The following IL1RAPL2 variants were observed in gnomAD, a reference collection of about 807,000 sequenced individuals.
IL1RAPL2 encodes X-linked interleukin-1 receptor accessory protein-like 2.
A neutral mutation model predicts 44.1 loss-of-function variants in IL1RAPL2; 3 were observed. That is an observed-to-expected ratio of 0.07 (90% CI 0.03 to 0.18). The LOEUF is 0.18. Ranked by LOEUF, IL1RAPL2 falls within the 10% of genes least tolerant of loss-of-function variation. The pLI is 1.00. For synonymous variants in IL1RAPL2, 181 were observed against 178.8 expected (o/e 1.01, Z -0.10); for missense variants, 391 against 496.4 (o/e 0.79, Z 2.02).
intron 6 of IL1RAPL2, among the ~76,000 whole-genome samples, chrX:105,568,404 G>T (rs1429000544): frequency 9.0e-6 from 1 of 111,694 alleles, no homozygotes; most frequent in Non-Finnish European, 1.9e-5. Flanking sequence ...ATTTCAAAAA[G>T]AAAAGAAAAT....
At chrX:104,812,467 A>T (rs1443714753) in intron 2 of IL1RAPL2, among the ~76,000 whole-genome samples, 2 of 111,282 alleles carry the variant, frequency 1.8e-5, no homozygotes, top group Non-Finnish European at 3.8e-5. Context: ...CCACAATGAG[A>T]GTATTACCAG....
chrX:105,111,703 G>T (rs1476464669), intron 2 of IL1RAPL2, among the ~76,000 whole-genome samples: 1 of 111,655 alleles, frequency 9.0e-6, no homozygotes, highest in African/African-American at 3.3e-5. Context: ...ATTTTAATGA[G>T]TACCCTGGCG....
At chrX:104,676,294 G>T (rs999285557) in intron 2 of IL1RAPL2, among the ~76,000 whole-genome samples, 6 of 111,373 alleles carry the variant, frequency 5.4e-5, no homozygotes, top group African/African-American at 2.0e-4. Flanking sequence ...GGGCAGGGCT[G>T]GTGGTGACAA....
chrX:105,166,843 C>G (rs2033375214), intron 2 of IL1RAPL2, among the ~76,000 whole-genome samples: 1 of 111,645 alleles, frequency 9.0e-6, no homozygotes, highest in Non-Finnish European at 1.9e-5. Flanking sequence ...ACATTTGAGG[C>G]TGTACAGTTA....
intron 6 of IL1RAPL2, among the ~76,000 whole-genome samples, chrX:105,525,826 AAAG>A (rs2036591590): frequency 9.0e-6 from 1 of 111,699 alleles, no homozygotes; most frequent in Admixed American, 9.6e-5. Flanking sequence ...GCAAGAGGGA[AAAG>A]AATATAAGGA....
chrX:105,143,484 T>C (rs1425970727), intron 2 of IL1RAPL2, among the ~76,000 whole-genome samples: 1 of 111,893 alleles, frequency 8.9e-6, no homozygotes, highest in Non-Finnish European at 1.9e-5. Flanking sequence ...GGAACACTTT[T>C]ACACTGTTGG....
intron 5 of IL1RAPL2, among the ~76,000 whole-genome samples, chrX:105,408,189 T>C (rs1209265700): frequency 8.9e-6 from 1 of 112,272 alleles, no homozygotes; most frequent in Non-Finnish European, 1.9e-5. Context: ...ATTTGGCTGG[T>C]CCAAGATGTA....
chrX:104,659,507 C>T (rs1485377051), intron 2 of IL1RAPL2, among the ~76,000 whole-genome samples: 3 of 111,900 alleles, frequency 2.7e-5, no homozygotes, highest in African/African-American at 9.7e-5. Context: ...AAAATCTATT[C>T]CTAGAACATG....
intron 5 of IL1RAPL2, among the ~76,000 whole-genome samples, chrX:105,470,828 C>T (rs2036160997): frequency 9.0e-6 from 1 of 111,609 alleles, no homozygotes; most frequent in South Asian, 3.7e-4. Context: ...ATTGCAGAAT[C>T]GAATTTTTGA....
chrX:105,615,707 G>A (rs951392801), intron 6 of IL1RAPL2, among the ~76,000 whole-genome samples: 1 of 111,972 alleles, frequency 8.9e-6, no homozygotes, highest in Non-Finnish European at 1.9e-5. Flanking sequence ...GGGTTGGAGG[G>A]ATGGCTAATG....
At chrX:104,890,742 A>G (rs762528807) in intron 2 of IL1RAPL2, among the ~76,000 whole-genome samples, 2,671 of 111,490 alleles carry the variant, frequency 0.024, 86 homozygotes, top group African/African-American at 0.082. Context: ...ATTCCATTCT[A>G]TAGGTTGCCT....
intron 6 of IL1RAPL2, among the ~76,000 whole-genome samples, chrX:105,623,000 C>T (rs1318844335): frequency 2.7e-5 from 3 of 110,956 alleles, no homozygotes; most frequent in Admixed American, 1.9e-4. Flanking sequence ...GTACTGGTTG[C>T]TTATGATGTG....
At position 105,058,766 on chromosome X, in the gene IL1RAPL2, T is replaced by C. The variant is rs1053319396; in HGVS notation, c.83-136709T>C. 4.5e-5 allele frequency among the ~76,000 whole-genome samples: 5 copies of C among 111,761 alleles called. No individual in the cohort carries two copies. In the Admixed American group the frequency reaches 4.8e-4, roughly 11 times the overall value. On this transcript the variant is annotated intron_variant, in intron 2 of 10. Coordinates refer to ENST00000372582, the MANE Select transcript of IL1RAPL2 (RefSeq NM_017416.2). ...AATATCATTGATAACATGGAGAAGG[T>C]ATGCACATGGAAGGAAAAAAATTTT...
At chrX:104,915,998 A>G (rs1334193440) in intron 2 of IL1RAPL2, among the ~76,000 whole-genome samples, 2 of 111,933 alleles carry the variant, frequency 1.8e-5, no homozygotes, top group African/African-American at 3.3e-5. Context: ...GAAGTCAGGT[A>G]GCGTGATGCC....
At chrX:105,127,474 T>C (rs1407121398) in intron 2 of IL1RAPL2, among the ~76,000 whole-genome samples, 4 of 111,305 alleles carry the variant, frequency 3.6e-5, no homozygotes. Context: ...TTGCATGTGG[T>C]AGTTTTGTAG....
chrX:105,277,910 T>A (rs1350019827), intron 5 of IL1RAPL2, among the ~76,000 whole-genome samples: 1 of 111,261 alleles, frequency 9.0e-6, no homozygotes, highest in Non-Finnish European at 1.9e-5. Context: ...TCTGCATTTT[T>A]ATTTTGTCTC....
chrX:105,351,893 A>C (rs2035158269), intron 5 of IL1RAPL2, among the ~76,000 whole-genome samples: 1 of 111,423 alleles, frequency 9.0e-6, no homozygotes, highest in Non-Finnish European at 1.9e-5. Flanking sequence ...TACTTGGCAA[A>C]ATGAAGTTGG....
At chrX:104,910,254 G>A (rs955895617) in intron 2 of IL1RAPL2, among the ~76,000 whole-genome samples, 3 of 111,796 alleles carry the variant, frequency 2.7e-5, no homozygotes, top group Non-Finnish European at 5.6e-5. Flanking sequence ...CCCACTGTCT[G>A]GCACTCTCTT....
chrX:104,592,267 G>T (rs1352480700), intron 1 of IL1RAPL2, among the ~76,000 whole-genome samples: 1 of 106,144 alleles, frequency 9.4e-6, no homozygotes, highest in Non-Finnish European at 1.9e-5. Flanking sequence ...AGTGCAAAAA[G>T]ATTCACATTT....
Sources: allele counts gnomAD v4.1 joint callset (sites outside exome capture counted in the v4.1 genomes callset), GRCh38; gene constraint gnomAD v4.1.1; transcripts MANE v1.5; gene names NCBI Gene and HGNC (gene_info 2026-07-23, HGNC 2026-07-21).